Variants in TMPRSS9 observed in about 807,000 individuals in gnomAD.
TMPRSS9 encodes transmembrane protease serine 9.
A neutral mutation model predicts 111.4 loss-of-function variants in TMPRSS9; 113 were observed. That is an observed-to-expected ratio of 1.01 (90% confidence interval 0.87 to 1.19). The LOEUF (loss-of-function observed/expected upper bound fraction) is 1.19. TMPRSS9 is among the 50% of genes most tolerant of loss of function. The pLI is 0.00. For synonymous variants in TMPRSS9, 805 were observed against 659.1 expected (o/e 1.22, Z -3.39); for missense variants, 1,803 against 1,513.1 (o/e 1.19, Z -3.18).
chr19:2,420,618 A>G (rs759641698), intron 13 of TMPRSS9, among the ~76,000 whole-genome samples: 2 of 134,990 alleles, frequency 1.5e-5, no homozygotes, highest in African/African-American at 2.8e-5. Flanking sequence ...AAGTTCTTCA[A>G]TCAGACTTCT....
chr19:2,421,976 C>T, exon 14 of TMPRSS9: 1 of 1,613,232 alleles, frequency 6.2e-7, no homozygotes, highest in Non-Finnish European at 8.5e-7. Context: ...CGCGCATCAC[C>T]AGGCTAAAGG....
At chr19:2,423,893 A>G (rs902929203) in intron 14 of TMPRSS9, among the ~76,000 whole-genome samples, 196 bp from the exon 16 acceptor site, 6 of 152,180 alleles carry the variant, frequency 3.9e-5, no homozygotes, top group African/African-American at 7.2e-5. Context: ...TGCATTTCCA[A>G]TGTTATTTGA....
At chr19:2,385,264 C>T (rs1285336455), upstream of TMPRSS9, among the ~76,000 whole-genome samples, 1 of 151,694 alleles carries the variant, frequency 6.6e-6, no homozygotes, top group African/African-American at 2.4e-5. Flanking sequence ...GGAGGGATCC[C>T]AGTGCTCCCG....
chr19:2,417,753 C>G lies in TMPRSS9; in HGVS notation c.2018-249C>G, dbSNP rs904465372. 2.6e-5 allele frequency among the ~76,000 whole-genome samples: 4 copies of G among 152,304 alleles called. 1 individual carries two copies. The South Asian group carries it at 8.3e-4, about 32-fold the overall frequency. On this transcript the variant is annotated intron_variant, in intron 12 of 17. Transcript: ENST00000648592. ...GCTTCCCTTGACCTCAGAATGGCCT[C>G]CTACACCTTACCCAGGTGCTAGGGC...
At chr19:2,425,714 C>A in intron 17 of TMPRSS9, 1 of 1,166,708 alleles carries the variant, frequency 8.6e-7, no homozygotes, top group South Asian at 1.7e-5. Context: ...GCAGAGCAGG[C>A]AGAGGCTGCA....
At chr19:2,403,317 C>T in intron 6 of TMPRSS9, 122 bp downstream of exon 7, 3 of 808,664 alleles carry the variant, frequency 3.7e-6, no homozygotes, top group Non-Finnish European at 6.0e-6. Flanking sequence ...TTTATGGGGG[C>T]TGGGCAGAGA....
At position 2,376,910 on chromosome 19, in the gene TMPRSS9, A is replaced by G. The variant is rs140370493; in HGVS notation, c.-25-12851A>G. Among the ~76,000 whole-genome samples the G allele has an allele frequency of 2.9e-3, 445 of 152,106 alleles. 6 individuals are homozygous for G. Among genetic ancestry groups the G allele is most frequent in the African/African-American group, 0.01 (424 of 41,504 alleles). ...CCCGGCCTGCCAGCTGCCAGGATGC[A>G]ATTTCTCTGGCCTCCAAGGAAGGCC... is the stretch of plus-strand genomic sequence containing the variant. On this transcript the variant is annotated intron_variant, in intron 1 of 17. Coordinates refer to the TMPRSS9 transcript ENST00000649857.
intron 4 of TMPRSS9, among the ~76,000 whole-genome samples, chr19:2,401,041 G>A (rs1171701622): frequency 4.0e-5 from 6 of 151,302 alleles, no homozygotes; most frequent in East Asian, 2.0e-4. Context: ...TTAGGAGGCC[G>A]AGGTGGGCAG....
intron 1 of TMPRSS9, among the ~76,000 whole-genome samples, chr19:2,390,187 G>T (rs1970555334): frequency 6.7e-6 from 1 of 150,220 alleles, no homozygotes; most frequent in South Asian, 2.1e-4. Flanking sequence ...ACAGGGAAAT[G>T]ACCTTGTTTT....
intron 1 of TMPRSS9, among the ~76,000 whole-genome samples, chr19:2,395,430 C>G (rs925365513): frequency 6.6e-6 from 1 of 151,454 alleles, no homozygotes; most frequent in Non-Finnish European, 1.5e-5. Context: ...GAGACCCTAT[C>G]TCAAAACAAA....
At chr19:2,425,334 C>A in intron 16 of TMPRSS9, 23 bp from the exon 18 acceptor site, 1 of 1,433,442 alleles carries the variant, frequency 7.0e-7, no homozygotes, top group Admixed American at 2.6e-5. Context: ...CCCACCCGCC[C>A]CGTCTCGCTC....
At chr19:2,425,319 C>T (rs1377824956) in intron 16 of TMPRSS9, 38 bp from the exon 18 acceptor site, 6 of 1,281,764 alleles carry the variant, frequency 4.7e-6, no homozygotes, top group South Asian at 1.9e-5. Flanking sequence ...CGGCCGGACG[C>T]GGTCCCCACC....
At chr19:2,419,995 C>T (rs1332921283) in intron 13 of TMPRSS9, among the ~76,000 whole-genome samples, 2 of 151,948 alleles carry the variant, frequency 1.3e-5, no homozygotes, top group Non-Finnish European at 2.9e-5. Context: ...CCCGTCTCTA[C>T]AAAAATTTAA....
At chr19:2,380,216 C>T (rs980472637) in intron 1 of TMPRSS9, among the ~76,000 whole-genome samples, 4 of 151,902 alleles carry the variant, frequency 2.6e-5, no homozygotes, top group Admixed American at 6.6e-5. Flanking sequence ...CCCAAGAAAT[C>T]GAGGCTGCAA....
chr19:2,425,307 GGC>G, intron 16 of TMPRSS9, 40 bp downstream of exon 17: 1 of 1,230,682 alleles, frequency 8.1e-7, no homozygotes. Flanking sequence ...GGGCTCGGGG[GGC>G]GGCCGGACGC....
At chr19:2,362,803 G>T (rs1453341610) in intron 1 of TMPRSS9, among the ~76,000 whole-genome samples, 1 of 151,812 alleles carries the variant, frequency 6.6e-6, no homozygotes, top group East Asian at 1.9e-4. Flanking sequence ...GTTGTGTGTG[G>T]TTGTATGTGG....
chr19:2,425,620 G>C lies in TMPRSS9; in HGVS notation c.3120+127G>C. 3 of 1,375,430 alleles carry C rather than the reference G, an allele frequency of 2.2e-6. No individual in the cohort carries two copies. In the South Asian group the frequency reaches 5.0e-5, roughly 23 times the overall value. 85.2% of individuals were successfully genotyped at this position (1,375,430 alleles called of 1,614,324 possible). On this transcript the variant is annotated intron_variant, in intron 17 of 17. Transcript: ENST00000648592. ...GCAGGCTTCTCCAGCGGATCAAGCA[G>C]GGAGCCTTTTTGGCTCTGGAGGAAT...
chr19:2,406,498 T>A (rs1047365761), intron 7 of TMPRSS9, among the ~76,000 whole-genome samples: 10 of 151,232 alleles, frequency 6.6e-5, no homozygotes, highest in Middle Eastern at 3.4e-3. Flanking sequence ...GGCTAATTTT[T>A]TTTTTTTTGT....
rs1568192623 is a variant in TMPRSS9 at position 2,421,969 on chromosome 19, G to GC, written c.2271dup (p.Ile758HisfsTer74). 6.2e-7 allele frequency: 1 copy of GC among 1,613,192 alleles called. No homozygotes were observed. The highest frequency in any genetic ancestry group is 1.1e-5 in the South Asian group (1 of 91,090). Reference sequence around the variant, plus strand: ...GTTAAGAAGCCGGGCGTGTACACGCGCATCACCAGGCTAAAGGGCTGGATC... The same window carrying GC: ...GTTAAGAAGCCGGGCGTGTACACGCGCCATCACCAGGCTAAAGGGCTGGATC... On this transcript the variant is annotated frameshift_variant, in exon 14 of 18. Transcript: ENST00000648592. LOFTEE classifies it high-confidence loss of function.
Sources: allele counts gnomAD v4.1 joint callset (sites outside exome capture counted in the v4.1 genomes callset), GRCh38; gene constraint gnomAD v4.1.1; transcripts MANE v1.5; gene names NCBI Gene and HGNC (gene_info 2026-07-23, HGNC 2026-07-21).